Variants in IRAK1BP1 observed in about 807,000 individuals in gnomAD.
IRAK1BP1 encodes interleukin-1 receptor-associated kinase 1-binding protein 1.
Under a neutral mutation model 28.0 loss-of-function variants are expected in IRAK1BP1, and 24 were observed. The observed-to-expected ratio is 0.86, with a 90% CI of 0.62 to 1.20. IRAK1BP1 has a LOEUF of 1.20. Among genes scored for constraint, IRAK1BP1 ranks in the 50% most tolerant of loss-of-function variants. IRAK1BP1 has a pLI of 0.00. For missense variants in IRAK1BP1, 336 were observed against 316.7 expected (o/e 1.06, Z -0.46); for synonymous variants, 131 against 116.3 (o/e 1.13, Z -0.81).
chr6:78,955,527 C>A, the IRAK1BP1 span: 1 of 574,644 alleles, frequency 1.7e-6, no homozygotes, highest in East Asian at 3.1e-5. Flanking sequence ...ATAATGTTCA[C>A]AACAGCTTTT....
chr6:78,888,441 C>T (rs921230191), intron 2 of IRAK1BP1, among the ~76,000 whole-genome samples: 3 of 151,812 alleles, frequency 2.0e-5, no homozygotes, highest in Non-Finnish European at 2.9e-5. Context: ...CAGGTGTATG[C>T]GTATGTCCAA....
intron 4 of IRAK1BP1, among the ~76,000 whole-genome samples, chr6:78,927,727 G>C (rs1322688146): frequency 6.6e-6 from 1 of 151,920 alleles, no homozygotes; most frequent in African/African-American, 2.4e-5. Flanking sequence ...GAGAGATAGG[G>C]GTCTAGTTTC....
intron 4 of IRAK1BP1, among the ~76,000 whole-genome samples, chr6:78,912,435 ATAT>A (rs1772451798): frequency 6.6e-6 from 1 of 152,156 alleles, no homozygotes; most frequent in Non-Finnish European, 1.5e-5. Context: ...GCCATCTGGA[ATAT>A]TATTCCTGGT....
At chr6:78,911,620 A>G (rs1035666854) in intron 4 of IRAK1BP1, among the ~76,000 whole-genome samples, 1 of 152,162 alleles carries the variant, frequency 6.6e-6, no homozygotes, top group Non-Finnish European at 1.5e-5. Context: ...ACCCTTTTGT[A>G]TCTTACAGCA....
intron 1 of IRAK1BP1, among the ~76,000 whole-genome samples, chr6:78,880,767 C>G (rs775081475): frequency 6.6e-6 from 1 of 152,134 alleles, no homozygotes; most frequent in Non-Finnish European, 1.5e-5. Flanking sequence ...CAAATAGGCA[C>G]ATGAAAAGAT....
intron 4 of IRAK1BP1, among the ~76,000 whole-genome samples, chr6:78,932,028 AG>A (rs1326713529): frequency 2.0e-5 from 3 of 152,238 alleles, no homozygotes; most frequent in African/African-American, 7.2e-5. Context: ...CAATGTTCAC[AG>A]CATCTTCACC....
At chr6:78,878,766 G>A (rs1057399721) in intron 1 of IRAK1BP1, among the ~76,000 whole-genome samples, 1 of 152,144 alleles carries the variant, frequency 6.6e-6, no homozygotes, top group Non-Finnish European at 1.5e-5. Context: ...AAGATTAGAT[G>A]AATGGCTAAC....
At chr6:78,962,016 T>C in the IRAK1BP1 span, among the ~76,000 whole-genome samples, 16,137 of 152,110 alleles carry the variant, frequency 0.11, 885 homozygotes, top group Middle Eastern at 0.19. Flanking sequence ...TCTAGGGGTA[T>C]TGTTTTATTC....
rs552628078 is a variant in IRAK1BP1 at position 78,900,557 on chromosome 6, T to A, written c.*2223T>A. 1 of 152,346 alleles carries A rather than the reference T, an allele frequency of 6.6e-6. No homozygotes were observed. The highest frequency in any genetic ancestry group is 2.1e-4 in the South Asian group (1 of 4,828). The allele number at this position is 152,346 out of a possible 1,614,324, so 9.4% of individuals were successfully genotyped here. A position where few individuals can be genotyped will look rare whatever the true frequency, so the allele number is the denominator to read the frequency against. On this transcript the variant is annotated 3_prime_UTR_variant, in exon 4 of 4. Transcript: ENST00000369940. ...CCAAATCCTGACCTTACTACTGGAA[T>A]GTAAGCTCCTTGAAAGTGGAGATCT...
At chr6:78,871,372 A>G (rs1203528769) in intron 1 of IRAK1BP1, 4 of 985,276 alleles carry the variant, frequency 4.1e-6, no homozygotes, top group South Asian at 9.4e-5. Flanking sequence ...CCATTGCAGT[A>G]TGAGCAAGAC....
At chr6:78,906,520 A>G (rs1772264487), downstream of IRAK1BP1, among the ~76,000 whole-genome samples, 1 of 152,176 alleles carries the variant, frequency 6.6e-6, no homozygotes, top group South Asian at 2.1e-4. Flanking sequence ...TCTTAAAGCT[A>G]AGTATAATGT....
the IRAK1BP1 span, among the ~76,000 whole-genome samples, chr6:78,973,803 G>A: frequency 4.0e-5 from 6 of 151,828 alleles, no homozygotes; most frequent in East Asian, 3.9e-4. Context: ...TGGTAAAGGG[G>A]TCAATTCAAC....
intron 2 of IRAK1BP1, among the ~76,000 whole-genome samples, chr6:78,885,746 A>G (rs1168042432): frequency 6.6e-6 from 1 of 152,140 alleles, no homozygotes; most frequent in Non-Finnish European, 1.5e-5. Context: ...TTCTTTTTAG[A>G]TAAAAAGCAA....
downstream of IRAK1BP1, among the ~76,000 whole-genome samples, chr6:78,905,124 C>G (rs1772228830): frequency 1.3e-5 from 2 of 152,136 alleles, no homozygotes; most frequent in Non-Finnish European, 2.9e-5. Flanking sequence ...GCATTGCATT[C>G]ATTTTCAAAA....
chr6:78,949,789 A>T (rs1257304061), downstream of IRAK1BP1, among the ~76,000 whole-genome samples: 1 of 152,048 alleles, frequency 6.6e-6, no homozygotes, highest in Non-Finnish European at 1.5e-5. Context: ...CCCAGGCTCA[A>T]GCAATCCTCC....
At chr6:78,870,246 CAAA>C (rs576297060) in intron 1 of IRAK1BP1, among the ~76,000 whole-genome samples, 3 of 137,608 alleles carry the variant, frequency 2.2e-5, no homozygotes, top group Non-Finnish European at 3.1e-5. Context: ...GACACTGTCT[CAAA>C]AAAAAAAAGA....
intron 4 of IRAK1BP1, among the ~76,000 whole-genome samples, chr6:78,925,691 A>G (rs1242559000): frequency 6.6e-6 from 1 of 152,230 alleles, no homozygotes; most frequent in Non-Finnish European, 1.5e-5. Context: ...ATCACTAGGT[A>G]TATTCCCAAT....
At chr6:78,896,737 A>T (rs1771897179) in intron 2 of IRAK1BP1, among the ~76,000 whole-genome samples, 1 of 151,746 alleles carries the variant, frequency 6.6e-6, no homozygotes, top group Admixed American at 6.6e-5. Context: ...AGGCAGGAGG[A>T]TCATCTGAAC....
chr6:78,929,047 C>T (rs1179097713), intron 4 of IRAK1BP1, among the ~76,000 whole-genome samples: 1 of 151,920 alleles, frequency 6.6e-6, no homozygotes, highest in Non-Finnish European at 1.5e-5. Flanking sequence ...AGAAGTATTC[C>T]CTCCTCCTGT....
Sources: gnomAD v4.1 joint callset for allele counts (sites outside exome capture counted in the v4.1 genomes callset) on GRCh38, gnomAD v4.1.1 for gene constraint, MANE v1.5 for transcripts, NCBI Gene and HGNC (gene_info 2026-07-23, HGNC 2026-07-21) for gene names.